Variants in IGSF9B observed in about 807,000 individuals in gnomAD.
IGSF9B encodes immunoglobulin superfamily member 9B.
In IGSF9B, 48 loss-of-function variants were observed where a neutral mutation model predicts 143.7. The ratio of observed to expected loss-of-function variants is 0.33; its 90% CI spans 0.26 to 0.42. The LOEUF (loss-of-function observed/expected upper bound fraction) is 0.42. Among genes scored for constraint, IGSF9B ranks in the 20% least tolerant of loss-of-function variants. The probability of loss-of-function intolerance (pLI) is 1.00; values close to 1 mark genes in which losing one functional copy is unlikely to be tolerated. For synonymous variants in IGSF9B, 903 were observed against 833.1 expected (o/e 1.08, Z -1.44); for missense variants, 1,706 against 1,980.0 (o/e 0.86, Z 2.63).
Position 133,931,446 on chromosome 11 carries a change from C to G in IGSF9B, c.1368+7G>C. ...CCTGCAGACCCAGGGCTCCAGGGCCCAGGTACCTTTCTCCAAGTGATGACA... is the reference window on the plus strand; with the variant it reads ...CCTGCAGACCCAGGGCTCCAGGGCCGAGGTACCTTTCTCCAAGTGATGACA... On this transcript the variant is annotated splice_region_variant and intron_variant, in intron 10 of 19. Coordinates refer to ENST00000533871, the MANE Select transcript of IGSF9B (RefSeq NM_001277285.4). The surrounding 1 kb of genome is among the most constrained non-coding windows in gnomAD (Gnocchi z 7.7). 6.2e-7 allele frequency: 1 copy of G among 1,601,698 alleles called. No homozygotes were observed. The highest frequency in any genetic ancestry group is 8.5e-7 in the Non-Finnish European group (1 of 1,169,708).
At chr11:133,933,469 G>C (rs1467429578) in intron 7 of IGSF9B, among the ~76,000 whole-genome samples, 1 of 152,204 alleles carries the variant, frequency 6.6e-6, no homozygotes, top group African/African-American at 2.4e-5. Context: ...AATCAGGCCA[G>C]GTGCAGTGGC....
intron 15 of IGSF9B, among the ~76,000 whole-genome samples, chr11:133,923,574 A>G (rs1360430971): frequency 2.0e-5 from 3 of 152,256 alleles, no homozygotes; most frequent in Admixed American, 1.3e-4. Context: ...GCTTAGGTTC[A>G]GCAAAGGCAG....
chr11:133,938,133 G>A lies in IGSF9B; in HGVS notation c.410-172C>T. 5.8e-6 allele frequency: 4 copies of A among 685,668 alleles called. No homozygotes were observed. In the South Asian group the frequency reaches 7.8e-5, roughly 13 times the overall value. 42.5% of individuals were successfully genotyped at this position (685,668 alleles called of 1,614,324 possible). A position where few individuals can be genotyped will look rare whatever the true frequency, so the allele number is the denominator to read the frequency against. On this transcript the variant is annotated intron_variant, in intron 3 of 19. Transcript: ENST00000533871. ...TGCCTACCAACATCACTGGCAGGGA[G>A]ACCTGCATCCAAACTCAGGCTGGCT...
intron 15 of IGSF9B, 64 bp downstream of exon 15, chr11:133,924,756 G>T: frequency 2.3e-6 from 3 of 1,317,734 alleles, no homozygotes; most frequent in Non-Finnish European, 2.2e-6. Context: ...TTCACAAAAT[G>T]ACCCCCATGC....
rs1939233168 is a variant in IGSF9B, at chr11:133,907,854, G to T, written c.*1215C>A. ...CTGAGCTCATCCCCCTGCAGCTCAG[G>T]TCCACCGGAGGACGAAGGCCCCGGG... On this transcript the variant is annotated 3_prime_UTR_variant, in exon 20 of 20. Transcript: ENST00000533871. Among the ~76,000 whole-genome samples the T allele has an allele frequency of 6.6e-6, 1 of 152,226 alleles. No homozygotes were observed. The highest frequency in any genetic ancestry group is 2.4e-5 in the African/African-American group (1 of 41,462).
rs1169502717 is a variant in IGSF9B, at chr11:133,921,402, A to G, written c.2328-5T>C. ...CTCACCTTGCCAGAGGACAAGCTGC[A>G]AGGAGGAGCAAGAGCCGGGAGGGGA... is the stretch of plus-strand genomic sequence containing the variant. On this transcript the variant is annotated splice_polypyrimidine_tract_variant and splice_region_variant and intron_variant, in intron 17 of 19. Transcript: ENST00000533871. 1.3e-6 allele frequency: 2 copies of G among 1,492,982 alleles called. No individual in the cohort carries two copies. The highest frequency in any genetic ancestry group is 2.8e-5 in the African/African-American group (2 of 71,732). 92.5% of individuals were successfully genotyped at this position (1,492,982 alleles called of 1,614,324 possible). A position where few individuals can be genotyped will look rare whatever the true frequency, so the allele number is the denominator to read the frequency against.
rs1183674192 is a variant in IGSF9B at position 133,905,660 on chromosome 11, TG to T, written c.*3408del. Reference sequence around the variant, plus strand: ...GAGGGCACAGACCCCGCCAGCCTGCTGGGAAAAAGGCGTCCTTCCTGCTAAG... The same window carrying T: ...GAGGGCACAGACCCCGCCAGCCTGCTGGAAAAAGGCGTCCTTCCTGCTAAG... On this transcript the variant is annotated 3_prime_UTR_variant, in exon 20 of 20. Transcript: ENST00000533871. The surrounding 1 kb of genome is among the most constrained non-coding windows in gnomAD (Gnocchi z 4.0). Among the ~76,000 whole-genome samples, 1 of 152,154 alleles carries T rather than the reference TG, an allele frequency of 6.6e-6. No individual in the cohort carries two copies. The highest frequency in any genetic ancestry group is 1.5e-5 in the Non-Finnish European group (1 of 68,018).
At chr11:133,919,126 G>GGGGGT (rs1939457792) in intron 18 of IGSF9B, 1 of 362,392 alleles carries the variant, frequency 2.8e-6, no homozygotes, top group Non-Finnish European at 5.6e-6. Flanking sequence ...TACGGGGGGG[G>GGGGGT]GGTGGGGGAC....
intron 1 of IGSF9B, among the ~76,000 whole-genome samples, chr11:133,951,499 C>T (rs1565453027): frequency 6.6e-6 from 1 of 152,254 alleles, no homozygotes; most frequent in Non-Finnish European, 1.5e-5. Context: ...CGGCCCTGAG[C>T]CTTCTCGGCT....
At chr11:133,914,401 G>A (rs191452955) in intron 18 of IGSF9B, among the ~76,000 whole-genome samples, 1 of 152,336 alleles carries the variant, frequency 6.6e-6, no homozygotes, top group East Asian at 1.9e-4. Context: ...CGCCACACCT[G>A]AGAAATAGAT....
intron 3 of IGSF9B, among the ~76,000 whole-genome samples, chr11:133,942,145 C>CT (rs1319677432): frequency 6.6e-6 from 1 of 152,302 alleles, no homozygotes; most frequent in Admixed American, 6.5e-5. Context: ...TTTCATCTGA[C>CT]TTTGTTTTTT....
At chr11:133,937,049 G>A (rs906973369) in intron 5 of IGSF9B, among the ~76,000 whole-genome samples, 2 of 152,162 alleles carry the variant, frequency 1.3e-5, no homozygotes, top group African/African-American at 4.8e-5. Context: ...TGACCCCAGG[G>A]AGGTCTCCTC....
chr11:133,920,084 C>T lies in IGSF9B; in HGVS notation c.3641G>A (p.Gly1214Asp), dbSNP rs748596293. 3 of 1,527,778 alleles carry T rather than the reference C, an allele frequency of 2.0e-6. No homozygotes were observed. Among genetic ancestry groups the T allele is most frequent in the South Asian group, 1.3e-5 (1 of 77,862 alleles). 94.6% of individuals were successfully genotyped at this position (1,527,778 alleles called of 1,614,324 possible). ...LTQSPLSSRTGSPELAARARP... is the reference protein window; with the variant it reads ...LTQSPLSSRTDSPELAARARP... The stretch of plus-strand genomic sequence containing the variant: ...GGCACGGGCGGCGAGCTCAGGGGAG[C>T]CGGTGCGGGAGCTGAGGGGGCTTTG... The change falls in exon 18 of 20, where the codon GGC becomes GAC. Residue 1214 changes from glycine to aspartate, a missense_variant. Gly to Asp is a moderately conservative substitution (Grantham distance 94, BLOSUM62 -1). Coordinates refer to ENST00000533871, the MANE Select transcript of IGSF9B (RefSeq NM_001277285.4).
chr11:133,908,890 C>T lies in IGSF9B; in HGVS notation c.*179G>A, dbSNP rs1031800336. On this transcript the variant is annotated 3_prime_UTR_variant, in exon 20 of 20. Transcript: ENST00000533871. ...ACAGGTGGAAGGTGTGCCCACCCTC[C>T]GTCCTGAAGACAGGCGGCCAGGATC... 1.7e-5 allele frequency: 10 copies of T among 601,568 alleles called. No homozygotes were observed. Among genetic ancestry groups the T allele is most frequent in the South Asian group, 4.2e-5 (2 of 47,720 alleles). 37.3% of individuals were successfully genotyped at this position (601,568 alleles called of 1,614,324 possible). A position where few individuals can be genotyped will look rare whatever the true frequency, so the allele number is the denominator to read the frequency against.
At chr11:133,935,883 G>T in intron 6 of IGSF9B, 121 bp from the exon 7 acceptor site, 1 of 1,410,918 alleles carries the variant, frequency 7.1e-7, no homozygotes, top group Non-Finnish European at 9.6e-7. Context: ...CATCCCCAGG[G>T]CCCCTCCATG....
chr11:133,909,280 AG>A lies in IGSF9B; in HGVS notation c.4106-4del, dbSNP rs1466678859. 6.5e-7 allele frequency: 1 copy of A among 1,534,746 alleles called. No homozygotes were observed. Among genetic ancestry groups the A allele is most frequent in the East Asian group, 2.4e-5 (1 of 40,906 alleles). ...CTGAGTCTGGGAGGCAGAATCGTCT[AG>A]GAAGAAAGGAAGAGGGACGCAAAAG... On this transcript the variant is annotated splice_region_variant and splice_polypyrimidine_tract_variant and intron_variant, in intron 19 of 19. Transcript: ENST00000533871. This position sits in a 1 kb window ranked among gnomAD's most constrained non-coding sequence, Gnocchi z 4.2.
Position 133,920,370 on chromosome 11 carries a change from C to T in IGSF9B, c.3355G>A (p.Ala1119Thr), listed in dbSNP as rs777219702. The T allele has an allele frequency of 3.7e-6, 6 of 1,603,852 alleles. No homozygotes were observed. The highest frequency in any genetic ancestry group is 2.2e-5 in the East Asian group (1 of 44,748). ...TGCATAGGTCTGTCCTGCCACTTGGCGGCGGGGGGCGCTGGGACAGGGCCC... is the reference window on the plus strand; with the variant it reads ...TGCATAGGTCTGTCCTGCCACTTGGTGGCGGGGGGCGCTGGGACAGGGCCC... Reference protein sequence around the residue: ...GRGPVPAPPAAKWQDRPMQPL... With the variant: ...GRGPVPAPPATKWQDRPMQPL... Residue 1119 changes from alanine (A) to threonine (T), a missense_variant, in exon 18 of 20, where the codon GCC (alanine) becomes ACC (threonine). This residue lies in a region of IGSF9B where 880 missense variants were observed against 762.9 expected (regional missense o/e 1.15). Transcript: ENST00000533871.
chr11:133,930,227 G>A (rs1286235905), intron 11 of IGSF9B, among the ~76,000 whole-genome samples: 1 of 152,152 alleles, frequency 6.6e-6, no homozygotes, highest in Non-Finnish European at 1.5e-5. Context: ...CAGCAGTTAG[G>A]AGCCCCATCC....
Position 133,956,938 on chromosome 11 carries a change from T to C in IGSF9B, c.-184A>G. On this transcript the variant is annotated 5_prime_UTR_variant, in exon 1 of 20. Transcript: ENST00000533871. ...GGCTCCGCTCGGCTCGGCGCGCGCC[T>C]CCCCGGCCCCGGCGCAGCGGCACCT... 1 of 380,806 alleles carries C rather than the reference T, an allele frequency of 2.6e-6. No individual in the cohort carries two copies. The highest frequency in any genetic ancestry group is 4.7e-6 in the Non-Finnish European group (1 of 212,474). The allele number at this position is 380,806 out of a possible 1,614,324, so 23.6% of individuals were successfully genotyped here.
Sources: allele counts gnomAD v4.1 joint callset (sites outside exome capture counted in the v4.1 genomes callset), GRCh38; gene constraint gnomAD v4.1.1; regional missense constraint gnomAD v4.1.1; non-coding constraint Gnocchi (gnomAD v3.1); transcripts MANE v1.5; gene names NCBI Gene and HGNC (gene_info 2026-07-23, HGNC 2026-07-21).